Variants in JAKMIP3 observed in about 807,000 individuals in gnomAD.
The protein encoded by JAKMIP3 is janus kinase and microtubule-interacting protein 3.
In JAKMIP3, 58 loss-of-function variants were observed where a neutral mutation model predicts 118.5. The observed-to-expected ratio is 0.49, with a 90% CI of 0.40 to 0.61. JAKMIP3 has a LOEUF of 0.61. Among genes scored for constraint, JAKMIP3 ranks in the 20% least tolerant of loss-of-function variants. JAKMIP3 has a pLI of 0.00. For synonymous variants in JAKMIP3, 486 were observed against 451.2 expected (o/e 1.08, Z -0.98); for missense variants, 950 against 1,109.0 (o/e 0.86, Z 2.04).
intron 22 of JAKMIP3, 78 bp from the exon 23 acceptor site, chr10:132,167,875 T>C: frequency 9.6e-7 from 1 of 1,036,700 alleles, no homozygotes; most frequent in South Asian, 1.4e-5. Flanking sequence ...CCCTCGCCCC[T>C]CGCCCCTCGG....
chr10:132,180,556 T>TGTGTGTGTGTGC (rs1419059069), intron 23 of JAKMIP3, among the ~76,000 whole-genome samples: 1 of 4,014 alleles, frequency 2.5e-4, no homozygotes, highest in Non-Finnish European at 4.5e-4. Context: ...CGTGCGTGCA[T>TGTGTGTGTGTGC]GCGTGTGTGT....
At chr10:132,114,072 G>A (rs190602740) in intron 2 of JAKMIP3, among the ~76,000 whole-genome samples, 11 of 152,366 alleles carry the variant, frequency 7.2e-5, no homozygotes, top group African/African-American at 2.4e-4. Context: ...CTCTCTGTGA[G>A]GAGACTGTGT....
At chr10:132,125,561 C>T (rs1376732361) in intron 3 of JAKMIP3, among the ~76,000 whole-genome samples, 1 of 152,256 alleles carries the variant, frequency 6.6e-6, no homozygotes, top group Non-Finnish European at 1.5e-5. Context: ...CTGTATGAAA[C>T]TTAAATCAGC....
intron 17 of JAKMIP3, 66 bp downstream of exon 17, chr10:132,153,089 T>G: frequency 7.5e-7 from 1 of 1,327,088 alleles, no homozygotes; most frequent in Non-Finnish European, 1.1e-6. Flanking sequence ...CCTGCTCAGC[T>G]CAGAGGTGGT....
At chr10:132,078,929 C>T (rs1462903660) in intron 1 of JAKMIP3, among the ~76,000 whole-genome samples, 1 of 152,220 alleles carries the variant, frequency 6.6e-6, no homozygotes, top group Non-Finnish European at 1.5e-5. Context: ...CCGTCACGAG[C>T]CGGTGTTGTC....
At chr10:132,167,882 T>TCGCCCCC (rs2136715684) in intron 22 of JAKMIP3, 71 bp from the exon 23 acceptor site, 6 of 1,075,376 alleles carry the variant, frequency 5.6e-6, no homozygotes, top group Non-Finnish European at 7.3e-6. Context: ...CCCTCGCCCC[T>TCGCCCCC]CGGCCCTCGC....
chr10:132,145,598 G>C lies in JAKMIP3; in HGVS notation c.1749+18G>C, dbSNP rs776690969. On this transcript the variant is annotated intron_variant, in intron 13 of 23. Transcript: ENST00000684848. ...TGGAAAAGGTGAGCCCCGAACCCCT[G>C]GAGGCCCTGGCAGGACTCGCTCTAT... is the stretch of plus-strand genomic sequence containing the variant. 3 of 1,555,666 alleles carry C rather than the reference G, an allele frequency of 1.9e-6. No individual in the cohort carries two copies. The highest frequency in any genetic ancestry group is 1.7e-6 in the Non-Finnish European group (2 of 1,149,432).
intron 1 of JAKMIP3, among the ~76,000 whole-genome samples, chr10:132,079,064 G>A (rs1037105006): frequency 6.6e-6 from 1 of 150,990 alleles, no homozygotes; most frequent in Non-Finnish European, 1.5e-5. Context: ...TGGCACCTGC[G>A]GCTTCCAGGA....
rs192124500 is a variant in JAKMIP3 at position 132,086,477 on chromosome 10, T to G, written c.-137-18195T>G. On this transcript the variant is annotated intron_variant, in intron 1 of 23. Transcript: ENST00000684848. ...GGAGTACTGAAGTTCCCCACTATTA[T>G]TGTGTTGCTGTCTATTTCTTTTTTT... is the stretch of plus-strand genomic sequence containing the variant. 1.3e-3 allele frequency among the ~76,000 whole-genome samples: 194 copies of G among 152,334 alleles called. 1 individual carries two copies. Among genetic ancestry groups the G allele is most frequent in the African/African-American group, 4.6e-3 (191 of 41,578 alleles).
chr10:132,118,581 G>T lies in JAKMIP3; in HGVS notation c.633+1007G>T, dbSNP rs1283723288. The stretch of plus-strand genomic sequence containing the variant: ...GCTGGGCCAGCATGTGGAACTCCCA[G>T]AGAGGGGCAGCCGCTCTCCACACCC... On this transcript the variant is annotated intron_variant, in intron 3 of 23. Coordinates refer to ENST00000684848, the MANE Select transcript of JAKMIP3 (RefSeq NM_001323087.2). This position sits in a 1 kb window ranked among gnomAD's most constrained non-coding sequence, Gnocchi z 4.8. 6.6e-6 allele frequency among the ~76,000 whole-genome samples: 1 copy of T among 152,226 alleles called. No homozygotes were observed. Among genetic ancestry groups the T allele is most frequent in the Non-Finnish European group, 1.5e-5 (1 of 68,040 alleles).
At chr10:132,119,737 C>G (rs1177588420) in intron 3 of JAKMIP3, among the ~76,000 whole-genome samples, 1 of 152,170 alleles carries the variant, frequency 6.6e-6, no homozygotes, top group Non-Finnish European at 1.5e-5. Flanking sequence ...TTAAAAAGAA[C>G]TGTTGGAATT....
rs1238425800 is a variant in JAKMIP3 at position 132,168,901 on chromosome 10, C to T, written c.*971C>T. ...TGGACCCCGGCGGGCACCGAAGCCT[C>T]ACCCCAAGCCTTTGCACACAAGGAG... On this transcript the variant is annotated 3_prime_UTR_variant, in exon 23 of 24. Coordinates refer to ENST00000684848, the MANE Select transcript of JAKMIP3 (RefSeq NM_001323087.2). 5.9e-6 allele frequency: 1 copy of T among 170,560 alleles called. No homozygotes were observed. Among genetic ancestry groups the T allele is most frequent in the African/African-American group, 2.4e-5 (1 of 41,550 alleles). The allele number at this position is 170,560 out of a possible 1,614,324, so 10.6% of individuals were successfully genotyped here.
intron 23 of JAKMIP3, among the ~76,000 whole-genome samples, chr10:132,175,594 G>A (rs1016675501): frequency 2.0e-5 from 3 of 152,178 alleles, no homozygotes; most frequent in South Asian, 2.1e-4. Context: ...GAAGCTCGAG[G>A]TGTGTTGATT....
intron 19 of JAKMIP3, among the ~76,000 whole-genome samples, chr10:132,155,181 T>C (rs1257322885): frequency 1.3e-5 from 2 of 149,220 alleles, no homozygotes; most frequent in Non-Finnish European, 3.0e-5. Flanking sequence ...GTGGTGGTGA[T>C]GATGGTGATC....
intron 23 of JAKMIP3, 69 bp downstream of exon 23, chr10:132,169,102 C>T (rs970099834): frequency 2.0e-5 from 3 of 152,718 alleles, no homozygotes; most frequent in Non-Finnish European, 4.4e-5. Flanking sequence ...CCAGCTTCTT[C>T]ACACCTCTGT....
chr10:132,045,608 G>A (rs2037884358), intron 1 of JAKMIP3, among the ~76,000 whole-genome samples: 1 of 152,198 alleles, frequency 6.6e-6, no homozygotes, highest in African/African-American at 2.4e-5. Context: ...ACAAAAGTAT[G>A]ATATGTGTTT....
At chr10:132,071,253 TC>T (rs375949134) in intron 1 of JAKMIP3, among the ~76,000 whole-genome samples, 2 of 152,140 alleles carry the variant, frequency 1.3e-5, no homozygotes, top group Middle Eastern at 3.2e-3. Context: ...TCGTTCAATT[TC>T]TTTTTGGCCA....
chr10:132,079,159 C>CGGACGGCCTGGG (rs569614899), intron 1 of JAKMIP3, among the ~76,000 whole-genome samples: 1 of 100,046 alleles, frequency 1.0e-5, no homozygotes, highest in African/African-American at 3.7e-5. Context: ...GCGGACGGCC[C>CGGACGGCCTGGG]AGCCCCACAG....
chr10:132,096,630 G>A (rs943031108), intron 1 of JAKMIP3, among the ~76,000 whole-genome samples: 2 of 152,088 alleles, frequency 1.3e-5, no homozygotes, highest in Admixed American at 1.3e-4. Context: ...GGACCTGGCC[G>A]TGATTTTTTT....
Sources: allele counts gnomAD v4.1 joint callset (sites outside exome capture counted in the v4.1 genomes callset), GRCh38; gene constraint gnomAD v4.1.1; non-coding constraint Gnocchi (gnomAD v3.1); transcripts MANE v1.5; gene names NCBI Gene and HGNC (gene_info 2026-07-23, HGNC 2026-07-21).